SERPINA4: variants seen among roughly 807,000 people sequenced by gnomAD.
SERPINA4 encodes the protein kallistatin.
Under a neutral mutation model 25.4 loss-of-function variants are expected in SERPINA4, and 24 were observed. That is an observed-to-expected ratio of 0.95 (90% CI 0.69 to 1.33). The LOEUF is 1.33. Among genes scored for constraint, SERPINA4 ranks in the 40% most tolerant of loss-of-function variants. SERPINA4 has a pLI of 0.00. For synonymous variants in SERPINA4, 242 were observed against 223.6 expected (o/e 1.08, Z -0.73); for missense variants, 553 against 535.8 (o/e 1.03, Z -0.32).
chr14:94,569,390 C>G lies in SERPINA4; in HGVS notation c.1084-5C>G. On this transcript the variant is annotated splice_region_variant and splice_polypyrimidine_tract_variant and intron_variant, in intron 4 of 4. Transcript: ENST00000557004. The stretch of plus-strand genomic sequence containing the variant: ...TGGAGATAATGCTTGTGATTTTCCT[C>G]CCAGAGTTTCCACAAGGCCACCTTG... 2 of 1,613,106 alleles carry G rather than the reference C, an allele frequency of 1.2e-6. No homozygotes were observed. Among genetic ancestry groups the G allele is most frequent in the Admixed American group, 1.7e-5 (1 of 60,010 alleles).
intron 4 of SERPINA4, 139 bp from the exon 5 acceptor site, chr14:94,569,256 C>G: frequency 1.4e-6 from 1 of 738,566 alleles, no homozygotes; most frequent in Non-Finnish European, 2.2e-6. Context: ...AAATGAAATT[C>G]TTGCTGTGTT....
chr14:94,567,337 C>T, intron 3 of SERPINA4, 94 bp downstream of exon 3: 1 of 1,333,256 alleles, frequency 7.5e-7, no homozygotes, highest in East Asian at 2.3e-5. Flanking sequence ...AGAGTGAACA[C>T]CAAATTATGA....
intron 2 of SERPINA4, 109 bp downstream of exon 2, chr14:94,564,240 G>T: frequency 8.6e-7 from 1 of 1,163,814 alleles, no homozygotes; most frequent in Non-Finnish European, 1.2e-6. Context: ...AAAACGTTGT[G>T]TCTGATAGGG....
At position 94,564,094 on chromosome 14, in the gene SERPINA4, C is replaced by T. The variant is rs371042106; in HGVS notation, c.612C>T (p.Asp204=). 1.1e-5 allele frequency: 18 copies of T among 1,602,596 alleles called. No homozygotes were observed. Among genetic ancestry groups the T allele is most frequent in the Middle Eastern group, 1.6e-4 (1 of 6,084 alleles). Residue 204 remains aspartate, a synonymous_variant, in exon 2 of 5, where the codon GAC becomes GAT. Coordinates refer to ENST00000557004, the MANE Select transcript of SERPINA4 (RefSeq NM_006215.4). The stretch of plus-strand genomic sequence containing the variant: ...ATTTGGTCAGTGAGCTCAAGAAGGA[C>T]GTCTTGATGGTGCTGGTGAATTACA... ...IVDLVSELKK[D]VLMVLVNYIY...
chr14:94,562,396 T>C (rs889226795), intron 1 of SERPINA4, among the ~76,000 whole-genome samples: 2 of 151,998 alleles, frequency 1.3e-5, no homozygotes, highest in African/African-American at 2.4e-5. Context: ...TTGGGCAGCA[T>C]GGTGAGACCC....
chr14:94,561,657 G>A (rs911526268), intron 1 of SERPINA4, 163 bp downstream of exon 1: 3 of 1,287,860 alleles, frequency 2.3e-6, no homozygotes, highest in African/African-American at 1.5e-5. Flanking sequence ...TGCTAGAGGT[G>A]AGAAATACTC....
intron 1 of SERPINA4, chr14:94,561,727 C>G: frequency 7.8e-7 from 1 of 1,289,716 alleles, no homozygotes. Flanking sequence ...TGCCCGGAGA[C>G]CCAGAAAAGC....
chr14:94,561,576 ATTC>A, intron 1 of SERPINA4, 82 bp downstream of exon 1: 1 of 1,085,078 alleles, frequency 9.2e-7, no homozygotes, highest in Non-Finnish European at 1.2e-6. Flanking sequence ...AAGACTGATA[ATTC>A]TTCTGGGATA....
chr14:94,561,826 C>T, intron 1 of SERPINA4: 1 of 1,289,838 alleles, frequency 7.8e-7, no homozygotes, highest in Non-Finnish European at 1.0e-6. Context: ...TTGGGGAGCT[C>T]ATGCCGGAGG....
In SERPINA4 at chr14:94,563,916, T is replaced by G; in HGVS notation, c.434T>G (p.Leu145Arg). 2 of 1,614,236 alleles carry G rather than the reference T, an allele frequency of 1.2e-6. No homozygotes were observed. The highest frequency in any genetic ancestry group is 3.3e-4 in the Middle Eastern group (2 of 6,062). ...LETRVGSALF[L>R]SHNLKFLAKF... ...ACACGCGTGGGCAGTGCTCTGTTCC[T>G]GAGCCACAACCTGAAGTTCCTTGCA... is the stretch of plus-strand genomic sequence containing the variant. Residue 145 changes from leucine to arginine, a missense_variant, in exon 2 of 5, where the codon CTG becomes CGG. Transcript: ENST00000557004.
chr14:94,565,822 G>A (rs1008655356), intron 2 of SERPINA4, among the ~76,000 whole-genome samples: 1 of 152,058 alleles, frequency 6.6e-6, no homozygotes, highest in African/African-American at 2.4e-5. Flanking sequence ...CCACACTCTG[G>A]TCTGGGTGAC....
In SERPINA4 at chr14:94,569,741, G is replaced by A. The variant is rs1200221821; in HGVS notation, c.*146G>A. The A allele has an allele frequency of 3.2e-5, 26 of 815,522 alleles. No individual in the cohort carries two copies. The highest frequency in any genetic ancestry group is 9.7e-5 in the Admixed American group (4 of 41,362). 50.5% of individuals were successfully genotyped at this position (815,522 alleles called of 1,614,324 possible). A position where few individuals can be genotyped will look rare whatever the true frequency, so the allele number is the denominator to read the frequency against. On this transcript the variant is annotated 3_prime_UTR_variant, in exon 5 of 5. Coordinates refer to ENST00000557004, the MANE Select transcript of SERPINA4 (RefSeq NM_006215.4). ...CAGCAGGTGCTGGCCGGTGGGGAGC[G>A]GGGAGGGGCACTGAGATGGGCAGGG...
intron 1 of SERPINA4, among the ~76,000 whole-genome samples, chr14:94,562,376 G>C (rs1356749923): frequency 6.6e-6 from 1 of 152,198 alleles, no homozygotes; most frequent in African/African-American, 2.4e-5. Flanking sequence ...TCTAGGAGTT[G>C]GAGACCAGCT....
chr14:94,569,501 T>C lies in SERPINA4; in HGVS notation c.1190T>C (p.Leu397Pro). 1 of 1,614,188 alleles carries C rather than the reference T, an allele frequency of 6.2e-7. No individual in the cohort carries two copies. The highest frequency in any genetic ancestry group is 8.5e-7 in the Non-Finnish European group (1 of 1,180,026). ...TCTGCCCAGACCAATCGCCACATCC[T>C]GCGATTCAACCGGCCCTTCCTTGTG... The part of the protein sequence containing the change: ...FFSAQTNRHI[L>P]RFNRPFLVVI... The change falls in exon 5 of 5, where the codon CTG (leucine) becomes CCG (proline). Residue 397 changes from leucine to proline, a missense_variant. Leu to Pro is a moderately conservative substitution (Grantham distance 98). Transcript: ENST00000557004.
At chr14:94,568,476 G>A (rs1902289383) in intron 4 of SERPINA4, among the ~76,000 whole-genome samples, 188 bp downstream of exon 4, 1 of 152,190 alleles carries the variant, frequency 6.6e-6, no homozygotes, top group Non-Finnish European at 1.5e-5. Context: ...GAGATATAGT[G>A]TTGAACCAGC....
In SERPINA4 at chr14:94,563,719, G is replaced by T. The variant is rs758603029; in HGVS notation, c.237G>T (p.Pro79=). ...ETPGKNIFFS[P]LSISAAYAML... ...CGGGGAAGAACATCTTTTTCTCCCCGCTGAGCATCTCGGCGGCCTACGCCA... is the reference window on the plus strand; with the variant it reads ...CGGGGAAGAACATCTTTTTCTCCCCTCTGAGCATCTCGGCGGCCTACGCCA... The change falls in exon 2 of 5, where the codon CCG becomes CCT. Residue 79 remains proline (P), a synonymous_variant. Transcript: ENST00000557004. The T allele has an allele frequency of 1.1e-5, 18 of 1,613,760 alleles. No individual in the cohort carries two copies. Among genetic ancestry groups the T allele is most frequent in the Non-Finnish European group, 8.5e-7 (1 of 1,180,044 alleles).
chr14:94,566,142 T>G (rs1468329545), intron 2 of SERPINA4, among the ~76,000 whole-genome samples: 3 of 152,192 alleles, frequency 2.0e-5, no homozygotes, highest in Non-Finnish European at 4.4e-5. Flanking sequence ...TCTGAACTCT[T>G]AACTTCCTTG....
rs776265206 is a variant in SERPINA4, at chr14:94,568,273, A to G, written c.1068A>G (p.Lys356=). The change falls in exon 4 of 5, where the codon AAA becomes AAG. Residue 356 remains lysine, a synonymous_variant. Coordinates refer to ENST00000557004, the MANE Select transcript of SERPINA4 (RefSeq NM_006215.4). The part of the protein sequence containing the change: ...ADLSGITKQQ[K]LEASKSFHKA... Reference sequence around the variant, plus strand: ...TATCCGGCATCACCAAACAGCAAAAACTGGAGGCATCCAAAGTAAGTCGTC... The same window carrying G: ...TATCCGGCATCACCAAACAGCAAAAGCTGGAGGCATCCAAAGTAAGTCGTC... The G allele has an allele frequency of 6.2e-7, 1 of 1,614,136 alleles. No homozygotes were observed. Among genetic ancestry groups the G allele is most frequent in the Non-Finnish European group, 8.5e-7 (1 of 1,180,022 alleles).
At chr14:94,561,731 G>T (rs1326810320) in intron 1 of SERPINA4, 2 of 1,289,650 alleles carry the variant, frequency 1.6e-6, no homozygotes, top group Admixed American at 4.6e-5. Flanking sequence ...CGGAGACCCA[G>T]AAAAGCCTCC....
Sources: gnomAD v4.1 joint callset for allele counts (sites outside exome capture counted in the v4.1 genomes callset) on GRCh38, gnomAD v4.1.1 for gene constraint, MANE v1.5 for transcripts, NCBI Gene and HGNC (gene_info 2026-07-23, HGNC 2026-07-21) for gene names.